ADGRF5: variants seen among roughly 807,000 people sequenced by gnomAD.
ADGRF5 encodes G-protein coupled receptor 116.
ADGRF5 carries 75 observed loss-of-function variants against 132.3 expected under a neutral mutation model. The observed-to-expected ratio is 0.57, with a 90% CI of 0.47 to 0.69. ADGRF5 has a LOEUF of 0.69. Ranked by LOEUF, ADGRF5 falls within the 30% of genes least tolerant of loss-of-function variation. The pLI, the probability that ADGRF5 is intolerant of heterozygous loss-of-function variation, is 0.00. For missense variants in ADGRF5, 1,516 were observed against 1,630.6 expected, an observed-to-expected ratio of 0.93 and a Z score of 1.21; for synonymous variants, 629 against 597.6, an observed-to-expected ratio of 1.05 and a Z score of -0.77.
chr6:46,937,511 C>T (rs1460140557), intron 1 of ADGRF5, among the ~76,000 whole-genome samples: 1 of 152,116 alleles, frequency 6.6e-6, no homozygotes. Context: ...ACACAGTGGT[C>T]CCTGATTATC....
intron 1 of ADGRF5, among the ~76,000 whole-genome samples, chr6:46,930,788 C>T (rs923342230): frequency 1.3e-5 from 2 of 152,204 alleles, no homozygotes; most frequent in Non-Finnish European, 2.9e-5. Flanking sequence ...TGCGGCAGCT[C>T]ACGCCTGTAA....
rs972431328 is a variant in ADGRF5, at chr6:46,853,695, C to T, written c.*297G>A. 5 of 191,004 alleles carry T rather than the reference C, an allele frequency of 2.6e-5. No individual in the cohort carries two copies. Among genetic ancestry groups the T allele is most frequent in the Admixed American group, 6.3e-5 (1 of 15,760 alleles). The allele number at this position is 191,004 out of a possible 1,614,324, so 11.8% of individuals were successfully genotyped here. ...TGTGTAAAAAGTGAAAATGTCTCTT[C>T]GAAATTCTATATTACAATATAGACA... is the stretch of plus-strand genomic sequence containing the variant. On this transcript the variant is annotated 3_prime_UTR_variant, in exon 21 of 21. Transcript: ENST00000283296.
intron 1 of ADGRF5, among the ~76,000 whole-genome samples, chr6:46,919,198 T>A (rs980437799): frequency 3.9e-5 from 6 of 152,186 alleles, no homozygotes; most frequent in African/African-American, 1.4e-4. Context: ...GCATCAATTC[T>A]CTATTCCACA....
chr6:46,876,333 A>C (rs1172030922), intron 10 of ADGRF5, among the ~76,000 whole-genome samples: 1 of 152,232 alleles, frequency 6.6e-6, no homozygotes, highest in Non-Finnish European at 1.5e-5. Context: ...CCAGAAGGCC[A>C]GGTTTTTCAC....
chr6:46,894,681 C>T (rs1773991643), intron 3 of ADGRF5, among the ~76,000 whole-genome samples: 1 of 152,102 alleles, frequency 6.6e-6, no homozygotes, highest in South Asian at 2.1e-4. Context: ...CTGGGCAGGT[C>T]ATTTAACTCT....
intron 11 of ADGRF5, 108 bp from the exon 12 acceptor site, chr6:46,869,200 A>G (rs940465355): frequency 6.6e-7 from 1 of 1,516,398 alleles, no homozygotes; most frequent in African/African-American, 1.4e-5. Flanking sequence ...GACAGAAAAA[A>G]AAAATGAACC....
chr6:46,890,546 G>A lies in ADGRF5; in HGVS notation c.158-2041C>T, dbSNP rs550559796. Among the ~76,000 whole-genome samples, 773 of 151,512 alleles carry A rather than the reference G, an allele frequency of 5.1e-3. 8 individuals carry two copies. Among genetic ancestry groups the A allele is most frequent in the African/African-American group, 0.018 (734 of 41,350 alleles). On this transcript the variant is annotated intron_variant, in intron 3 of 20. Coordinates refer to ENST00000283296, the MANE Select transcript of ADGRF5 (RefSeq NM_001098518.2). The stretch of plus-strand genomic sequence containing the variant: ...CAGCCTGGCCAACATGGGAAACCCC[G>A]TCTCTACTAAAAGTACAAAAATTAG...
chr6:46,893,058 A>ATTTTTTTTTTT (rs35014340), intron 3 of ADGRF5, among the ~76,000 whole-genome samples: 1 of 86,734 alleles, frequency 1.2e-5, no homozygotes, highest in Non-Finnish European at 2.1e-5. Context: ...GACAACAGGG[A>ATTTTTTTTTTT]TTTTTTTTTT....
chr6:46,858,174 G>C lies in ADGRF5; in HGVS notation c.3729C>G (p.Thr1243=). 3.1e-6 allele frequency: 5 copies of C among 1,614,014 alleles called. No homozygotes were observed. Among genetic ancestry groups the C allele is most frequent in the Non-Finnish European group, 4.2e-6 (5 of 1,179,932 alleles). ...GFGLTTVFPG[T]NLVFHIIFAI... ...CAAATATGATATGGAACACAAGGTT[G>C]GTCCCTGGGAACACAGTGGTGAGAC... is the stretch of plus-strand genomic sequence containing the variant. Residue 1243 remains threonine, a synonymous_variant, in exon 17 of 21, where the codon ACC becomes ACG. Transcript: ENST00000283296.
chr6:46,904,646 A>C (rs1377536086), intron 2 of ADGRF5, among the ~76,000 whole-genome samples: 1 of 152,216 alleles, frequency 6.6e-6, no homozygotes, highest in African/African-American at 2.4e-5. Context: ...GAATATACTT[A>C]ATACTAATAA....
intron 10 of ADGRF5, among the ~76,000 whole-genome samples, chr6:46,875,571 G>A (rs1771562363): frequency 6.6e-6 from 1 of 152,032 alleles, no homozygotes; most frequent in Non-Finnish European, 1.5e-5. Context: ...GAGGTCAGGG[G>A]TTCGAGACCA....
intron 10 of ADGRF5, among the ~76,000 whole-genome samples, chr6:46,873,212 C>T (rs920929358): frequency 3.9e-5 from 6 of 152,232 alleles, no homozygotes; most frequent in African/African-American, 1.4e-4. Flanking sequence ...GTCTCCCTTC[C>T]TGAAATGGTC....
chr6:46,882,033 A>G lies in ADGRF5; in HGVS notation c.671+16T>C. On this transcript the variant is annotated intron_variant, in intron 7 of 20. Transcript: ENST00000283296. ...CCAGCCATAAATTAGAAATGATCAA[A>G]TTAAAGTATTCTTACTTGAACCCTG... 1 of 1,573,390 alleles carries G rather than the reference A, an allele frequency of 6.4e-7. No homozygotes were observed. The highest frequency in any genetic ancestry group is 1.1e-5 in the South Asian group (1 of 90,248).
chr6:46,941,126 G>A (rs914749920), intron 1 of ADGRF5, among the ~76,000 whole-genome samples: 1 of 151,994 alleles, frequency 6.6e-6, no homozygotes, highest in Admixed American at 6.6e-5. Context: ...CTTAAAGCCA[G>A]GAGTTTCAGA....
In ADGRF5 at chr6:46,852,798, C is replaced by G. The variant is rs1203150201; in HGVS notation, c.*1194G>C. On this transcript the variant is annotated 3_prime_UTR_variant, in exon 21 of 21. Transcript: ENST00000283296. ...GTGGTTGGAATAAACACAATTTAGA[C>G]CATGCAAAACTCTTAATGTATATTG... 6.6e-6 allele frequency: 1 copy of G among 151,894 alleles called. No individual in the cohort carries two copies. The highest frequency in any genetic ancestry group is 1.5e-5 in the Non-Finnish European group (1 of 68,026). The allele number at this position is 151,894 out of a possible 1,614,324, so 9.4% of individuals were successfully genotyped here.
chr6:46,942,927 G>T (rs1009566384), intron 1 of ADGRF5, among the ~76,000 whole-genome samples: 2 of 151,978 alleles, frequency 1.3e-5, no homozygotes, highest in Admixed American at 6.6e-5. Flanking sequence ...TTGAGTTATT[G>T]GGTTTAAAAA....
At chr6:46,874,623 G>A (rs558314778) in intron 10 of ADGRF5, among the ~76,000 whole-genome samples, 91 of 152,282 alleles carry the variant, frequency 6.0e-4, no homozygotes, top group Admixed American at 1.4e-3. Flanking sequence ...CTGTAGTTCT[G>A]GTATGTGGTT....
At position 46,883,562 on chromosome 6, in the gene ADGRF5, TG is replaced by T; in HGVS notation, c.608del (p.Thr203LysfsTer16). ...LYRSYKTDLE[T>X]AFRKGYGILP... ...GGTTCTTGGGGCCAAAACCTACCGCTGTTTCCAAGTCGGTCTTGTAGGACCT... is the reference window on the plus strand; with the variant it reads ...GGTTCTTGGGGCCAAAACCTACCGCTTTTCCAAGTCGGTCTTGTAGGACCT... On this transcript the variant is annotated frameshift_variant, in exon 6 of 21. Transcript: ENST00000283296. LOFTEE classifies it high-confidence loss of function. The T allele has an allele frequency of 6.3e-7, 1 of 1,583,708 alleles. No individual in the cohort carries two copies. The highest frequency in any genetic ancestry group is 8.7e-7 in the Non-Finnish European group (1 of 1,155,128).
At chr6:46,877,322 C>CTTCTTTCT (rs201240602) in intron 10 of ADGRF5, among the ~76,000 whole-genome samples, 30 of 30,310 alleles carry the variant, frequency 9.9e-4, no homozygotes, top group East Asian at 1.6e-3. Context: ...TCCTTCCTTC[C>CTTCTTTCT]TTCTTTCTTT....
Sources: gnomAD v4.1 joint callset for allele counts (sites outside exome capture counted in the v4.1 genomes callset) on GRCh38, gnomAD v4.1.1 for gene constraint, MANE v1.5 for transcripts, NCBI Gene and HGNC (gene_info 2026-07-23, HGNC 2026-07-21) for gene names.